RETREG1: variants seen among roughly 807,000 people sequenced by gnomAD.
RETREG1 encodes the protein family with sequence similarity 134 member B.
Under a neutral mutation model 54.8 loss-of-function variants are expected in RETREG1, and 44 were observed. That is an observed-to-expected ratio of 0.80 (90% CI 0.63 to 1.03). RETREG1 has a LOEUF of 1.03. Among genes scored for constraint, RETREG1 ranks in the 50% least tolerant of loss-of-function variants. RETREG1 has a pLI of 0.00. For synonymous variants in RETREG1, 217 were observed against 238.5 expected, an observed-to-expected ratio of 0.91 and a Z score of 0.83; for missense variants, 554 against 605.1, an observed-to-expected ratio of 0.92 and a Z score of 0.89.
chr5:16,605,336 C>T (rs139787383), intron 1 of RETREG1, among the ~76,000 whole-genome samples: 126 of 152,282 alleles, frequency 8.3e-4, no homozygotes, highest in African/African-American at 2.9e-3. Flanking sequence ...GAAAAGGCGT[C>T]CTTCTCACCT....
chr5:16,511,815 C>A (rs1303285762), intron 3 of RETREG1, among the ~76,000 whole-genome samples: 1 of 152,042 alleles, frequency 6.6e-6, no homozygotes, highest in Admixed American at 6.6e-5. Context: ...GGAGAGCAGG[C>A]ACATCGCATG....
chr5:16,514,658 G>A (rs535678848), intron 3 of RETREG1, among the ~76,000 whole-genome samples: 40 of 151,866 alleles, frequency 2.6e-4, no homozygotes, highest in African/African-American at 9.6e-4. Flanking sequence ...GGTACCCAGT[G>A]TGCAGTCTTT....
intron 1 of RETREG1, among the ~76,000 whole-genome samples, chr5:16,610,106 G>C (rs1453365801): frequency 1.3e-5 from 2 of 152,168 alleles, no homozygotes; most frequent in Non-Finnish European, 2.9e-5. Flanking sequence ...TCTAACGCAA[G>C]CTGGGGCACC....
intron 1 of RETREG1, among the ~76,000 whole-genome samples, chr5:16,612,867 T>C (rs1234083485): frequency 2.0e-5 from 3 of 152,214 alleles, no homozygotes. Context: ...TTATCCCCTA[T>C]GTGTGTATCC....
Position 16,474,988 on chromosome 5 carries a change from A to G in RETREG1, c.1247T>C (p.Val416Ala). 2 of 1,613,334 alleles carry G rather than the reference A, an allele frequency of 1.2e-6. No homozygotes were observed. Among genetic ancestry groups the G allele is most frequent in the Middle Eastern group, 1.7e-4 (1 of 6,054 alleles). ...FHLMSNLAGD[V>A]ITAAVTAAIK... ...AGCTGCAGTCACTGCAGCTGTGATA[A>G]CATCCCCAGCCAGGTTGCTCATCAG... The change falls in exon 9 of 9, where the codon GTT becomes GCT. Residue 416 changes from valine (V) to alanine (A), a missense_variant. Physicochemically the swap from Val to Ala is moderately conservative, Grantham distance 64. This residue lies in a region of RETREG1 where 347 missense variants were observed against 412.3 expected (regional missense o/e 0.84). Coordinates refer to ENST00000306320, the MANE Select transcript of RETREG1 (RefSeq NM_001034850.3).
rs1273283526 is a variant in RETREG1 at position 16,594,402 on chromosome 5, T to C, written c.320+22250A>G. On this transcript the variant is annotated intron_variant, in intron 1 of 8. Coordinates refer to ENST00000306320, the MANE Select transcript of RETREG1 (RefSeq NM_001034850.3). This position sits in a 1 kb window ranked among gnomAD's most constrained non-coding sequence, Gnocchi z 4.4. ...AATATCTTTAAATATGTAGACAACT[T>C]TTATAAGAAAAAAAGTTAAACGCTT... Among the ~76,000 whole-genome samples, 1 of 152,112 alleles carries C rather than the reference T, an allele frequency of 6.6e-6. No homozygotes were observed. Among genetic ancestry groups the C allele is most frequent in the Non-Finnish European group, 1.5e-5 (1 of 68,022 alleles).
chr5:16,532,088 CAAT>C (rs1189539550), intron 3 of RETREG1, among the ~76,000 whole-genome samples: 2 of 152,196 alleles, frequency 1.3e-5, no homozygotes, highest in East Asian at 3.9e-4. Flanking sequence ...TGAGATTAAA[CAAT>C]AGTTCCTGAT....
At chr5:16,504,867 G>A (rs1474621691) in intron 3 of RETREG1, among the ~76,000 whole-genome samples, 1 of 152,244 alleles carries the variant, frequency 6.6e-6, no homozygotes, top group East Asian at 1.9e-4. Context: ...TCCTGTGCCA[G>A]GCTTTTCTCC....
chr5:16,483,284 T>C (rs1738882897), intron 4 of RETREG1, 62 bp downstream of exon 4: 2 of 1,563,726 alleles, frequency 1.3e-6, no homozygotes, highest in South Asian at 1.1e-5. Flanking sequence ...TAAAATAGGT[T>C]AGTTCATTTG....
At chr5:16,486,944 C>A (rs752114812) in intron 3 of RETREG1, among the ~76,000 whole-genome samples, 1 of 152,080 alleles carries the variant, frequency 6.6e-6, no homozygotes, top group South Asian at 2.1e-4. Context: ...TGAGTTGCTA[C>A]GTAATGAAAC....
At chr5:16,502,339 C>T (rs1739751938) in intron 3 of RETREG1, among the ~76,000 whole-genome samples, 3 of 152,154 alleles carry the variant, frequency 2.0e-5, no homozygotes, top group South Asian at 2.1e-4. Flanking sequence ...GGAAAGTTTG[C>T]TCTATGTCCC....
At chr5:16,493,149 C>A (rs33688) in intron 3 of RETREG1, among the ~76,000 whole-genome samples, 1 of 151,726 alleles carries the variant, frequency 6.6e-6, no homozygotes. Flanking sequence ...TGCGATTGAC[C>A]CTTTCCACCT....
chr5:16,528,826 G>A (rs779973606), intron 3 of RETREG1, among the ~76,000 whole-genome samples: 7 of 152,158 alleles, frequency 4.6e-5, no homozygotes, highest in Non-Finnish European at 7.3e-5. Flanking sequence ...GGGCCATACA[G>A]TGCCTGCCAC....
chr5:16,605,150 A>T (rs985078495), intron 1 of RETREG1, among the ~76,000 whole-genome samples: 1 of 152,192 alleles, frequency 6.6e-6, no homozygotes, highest in African/African-American at 2.4e-5. Flanking sequence ...CCAGTCATTT[A>T]TGCTTCTCCA....
In RETREG1 at chr5:16,597,232, G is replaced by A. The variant is rs1337728925; in HGVS notation, c.320+19420C>T. ...TCACCTGACTTCTCTGTGCCTCAGTGTCATTGTGAATATTAGTAACGACAC... is the reference window on the plus strand; with the variant it reads ...TCACCTGACTTCTCTGTGCCTCAGTATCATTGTGAATATTAGTAACGACAC... On this transcript the variant is annotated intron_variant, in intron 1 of 8. Coordinates refer to ENST00000306320, the MANE Select transcript of RETREG1 (RefSeq NM_001034850.3). The surrounding 1 kb of genome is among the most constrained non-coding windows in gnomAD (Gnocchi z 4.3). Among the ~76,000 whole-genome samples, 1 of 152,226 alleles carries A rather than the reference G, an allele frequency of 6.6e-6. No homozygotes were observed. Among genetic ancestry groups the A allele is most frequent in the African/African-American group, 2.4e-5 (1 of 41,466 alleles).
At chr5:16,578,248 C>G (rs539352428) in intron 1 of RETREG1, among the ~76,000 whole-genome samples, 1 of 152,226 alleles carries the variant, frequency 6.6e-6, no homozygotes, top group African/African-American at 2.4e-5. Flanking sequence ...AACTTTCTAA[C>G]AAAACTAATC....
intron 1 of RETREG1, among the ~76,000 whole-genome samples, chr5:16,612,948 C>T (rs908854841): frequency 6.6e-6 from 1 of 152,162 alleles, no homozygotes; most frequent in African/African-American, 2.4e-5. Flanking sequence ...TTACTTTGTG[C>T]ATCTTTTGAC....
At position 16,475,232 on chromosome 5, in the gene RETREG1, G is replaced by T; in HGVS notation, c.1003C>A (p.Leu335Ile). The T allele has an allele frequency of 6.2e-7, 1 of 1,611,410 alleles. No homozygotes were observed. ...YTPQTDTSDD[L>I]DRPSEEVFSR... Reference sequence around the variant, plus strand: ...AAAACTTCCTCACTGGGTCGGTCAAGATCTGTGAAATGGATAACAGAAGTT... The same window carrying T: ...AAAACTTCCTCACTGGGTCGGTCAATATCTGTGAAATGGATAACAGAAGTT... Residue 335 changes from leucine (L) to isoleucine (I), a missense_variant and splice_region_variant, in exon 9 of 9, where the codon CTT (leucine) becomes ATT (isoleucine). Around this residue, in one of 4 missense-constraint regions of RETREG1, gnomAD observed 347 missense variants for 412.3 expected, o/e 0.84. Coordinates refer to ENST00000306320, the MANE Select transcript of RETREG1 (RefSeq NM_001034850.3).
At chr5:16,504,024 C>A (rs1739840374) in intron 3 of RETREG1, among the ~76,000 whole-genome samples, 1 of 152,166 alleles carries the variant, frequency 6.6e-6, no homozygotes. Context: ...GCCCAGCATG[C>A]ATTAGTTATT....
Sources: allele counts gnomAD v4.1 joint callset (sites outside exome capture counted in the v4.1 genomes callset), GRCh38; gene constraint gnomAD v4.1.1; regional missense constraint gnomAD v4.1.1; non-coding constraint Gnocchi (gnomAD v3.1); transcripts MANE v1.5; gene names NCBI Gene and HGNC (gene_info 2026-07-23, HGNC 2026-07-21).